LRRC7: variants seen among roughly 807,000 people sequenced by gnomAD.
LRRC7 encodes the protein leucine rich repeat containing 7.
In LRRC7, 23 loss-of-function variants were observed where a neutral mutation model predicts 175.7. The ratio of observed to expected loss-of-function variants is 0.13; its 90% CI spans 0.09 to 0.19. The LOEUF (loss-of-function observed/expected upper bound fraction) is 0.19, where lower values mean the gene tolerates loss of function less well. LRRC7 is among the 10% of genes least tolerant of loss of function. The probability of loss-of-function intolerance (pLI) is 1.00; values close to 1 mark genes in which losing one functional copy is unlikely to be tolerated. For missense variants in LRRC7, 1,354 were observed against 1,904.7 expected (o/e 0.71, Z 5.38); for synonymous variants, 685 against 680.9 (o/e 1.01, Z -0.09).
At chr1:69,862,984 G>A (rs1438476636) in intron 7 of LRRC7, among the ~76,000 whole-genome samples, 1 of 152,086 alleles carries the variant, frequency 6.6e-6, no homozygotes, top group Non-Finnish European at 1.5e-5. Context: ...GTGCCTTAAA[G>A]TCAAGAGTTT....
intron 3 of LRRC7, among the ~76,000 whole-genome samples, chr1:69,770,532 T>C (rs1672119621): frequency 6.6e-6 from 1 of 152,210 alleles, no homozygotes; most frequent in Admixed American, 6.5e-5. Context: ...TTTTTCCTCC[T>C]ACTTAAAAAG....
At chr1:69,814,050 T>A (rs1471104452) in intron 4 of LRRC7, among the ~76,000 whole-genome samples, 1 of 152,096 alleles carries the variant, frequency 6.6e-6, no homozygotes, top group Non-Finnish European at 1.5e-5. Flanking sequence ...CATACGAATT[T>A]CTTTATAAAT....
At chr1:69,791,446 AC>A (rs1172270306) in intron 3 of LRRC7, among the ~76,000 whole-genome samples, 3 of 152,122 alleles carry the variant, frequency 2.0e-5, no homozygotes, top group Non-Finnish European at 4.4e-5. Flanking sequence ...CCCACCTAAT[AC>A]TTTGGACTGA....
chr1:69,664,016 C>T lies in LRRC7; in HGVS notation c.3-14365C>T, dbSNP rs537226895. Among the ~76,000 whole-genome samples the T allele has an allele frequency of 3.9e-5, 6 of 152,232 alleles. No individual in the cohort carries two copies. In the South Asian group the frequency reaches 8.3e-4, roughly 21 times the overall value. The stretch of plus-strand genomic sequence containing the variant: ...AATTACAGGCGTGAGCCACCGCGCC[C>T]GGCCTCGTTTTAATTTTTATAAGTG... On this transcript the variant is annotated intron_variant, in intron 1 of 26. Transcript: ENST00000651989.
At chr1:69,580,514 T>C (rs983834491) in intron 1 of LRRC7, among the ~76,000 whole-genome samples, 1 of 152,130 alleles carries the variant, frequency 6.6e-6, no homozygotes, top group Admixed American at 6.6e-5. Flanking sequence ...CTTGCACAAC[T>C]CAGGAATAGC....
intron 3 of LRRC7, among the ~76,000 whole-genome samples, chr1:69,778,756 A>T (rs1316827517): frequency 1.3e-5 from 2 of 152,124 alleles, no homozygotes; most frequent in African/African-American, 2.4e-5. Context: ...GAAAATCTCC[A>T]GTTATACCAT....
chr1:69,973,064 A>G lies in LRRC7; in HGVS notation c.712-7315A>G, dbSNP rs925040305. Among the ~76,000 whole-genome samples the G allele has an allele frequency of 4.0e-4, 58 of 146,518 alleles. 1 individual carries two copies. Among genetic ancestry groups the G allele is most frequent in the African/African-American group, 1.4e-3 (55 of 40,374 alleles). ...TAGTATATATAATACTATATATATA[A>G]AGTACCATATATATATATATAAAAA... On this transcript the variant is annotated intron_variant, in intron 8 of 26. Coordinates refer to ENST00000651989, the MANE Select transcript of LRRC7 (RefSeq NM_001370785.2).
rs1400989885 is a variant in LRRC7, at chr1:70,039,166, C to G, written c.3342C>G (p.Tyr1114Ter). 1 of 1,614,118 alleles carries G rather than the reference C, an allele frequency of 6.2e-7. No homozygotes were observed. Among genetic ancestry groups the G allele is most frequent in the Non-Finnish European group, 8.5e-7 (1 of 1,180,008 alleles). Residue 1114 changes from tyrosine to a stop codon, truncating the protein, a stop_gained, in exon 21 of 27, where the codon TAC (tyrosine) becomes TAG (stop). Coordinates refer to ENST00000651989, the MANE Select transcript of LRRC7 (RefSeq NM_001370785.2). LOFTEE classifies it high-confidence loss of function. ...IAKDLISPRA[Y>*]RGYPPMEQMF... is the part of the protein sequence containing the mutation. ...AGGATTTGATTAGTCCTAGAGCTTA[C>G]AGAGGATACCCACCGATGGAGCAAA...
chr1:69,937,298 G>T (rs534591971), intron 8 of LRRC7, among the ~76,000 whole-genome samples: 41 of 148,396 alleles, frequency 2.8e-4, no homozygotes, highest in Admixed American at 6.0e-4. Flanking sequence ...TTTACCATTA[G>T]CTTTGTATAG....
At position 70,038,783 on chromosome 1, in the gene LRRC7, A is replaced by G; in HGVS notation, c.2959A>G (p.Ser987Gly). ...GTCTAATAAATTCAAAAAGTCACAG[A>G]GTATCGATGAGATTGACATTGGTAC... ...IKSNKFKKSQ[S>G]IDEIDIGTYK... is the part of the protein sequence containing the mutation. Residue 987 changes from serine (S) to glycine (G), a missense_variant, in exon 21 of 27, where the codon AGT becomes GGT. By Grantham distance (56) the Ser-to-Gly change is moderately conservative. This residue lies in a region of LRRC7 where 1,032 missense variants were observed against 1,227.2 expected (regional missense o/e 0.84). Coordinates refer to ENST00000651989, the MANE Select transcript of LRRC7 (RefSeq NM_001370785.2). 1 of 1,614,030 alleles carries G rather than the reference A, an allele frequency of 6.2e-7. No homozygotes were observed. The highest frequency in any genetic ancestry group is 8.5e-7 in the Non-Finnish European group (1 of 1,179,990).
At chr1:69,679,140 T>A (rs1476004751) in intron 2 of LRRC7, among the ~76,000 whole-genome samples, 1 of 152,096 alleles carries the variant, frequency 6.6e-6, no homozygotes, top group Non-Finnish European at 1.5e-5. Context: ...TTGGAGACTC[T>A]TGACATAATA....
chr1:69,763,590 G>T (rs1671276764), intron 3 of LRRC7, among the ~76,000 whole-genome samples: 1 of 151,988 alleles, frequency 6.6e-6, no homozygotes, highest in African/African-American at 2.4e-5. Flanking sequence ...AGTACAAGGG[G>T]AAGGGGTGGA....
intron 7 of LRRC7, among the ~76,000 whole-genome samples, chr1:69,915,194 C>T (rs531209218): frequency 1.6e-4 from 24 of 152,186 alleles, no homozygotes; most frequent in Middle Eastern, 3.4e-3. Flanking sequence ...GAATGTGACA[C>T]TAAGCCAAAG....
At chr1:69,580,290 C>T (rs543600670) in intron 1 of LRRC7, among the ~76,000 whole-genome samples, 7 of 151,708 alleles carry the variant, frequency 4.6e-5, no homozygotes, top group South Asian at 2.1e-4. Flanking sequence ...TAATTTGGAT[C>T]GTAATATTAA....
chr1:70,068,373 C>G (rs1456097396), intron 23 of LRRC7, among the ~76,000 whole-genome samples: 1 of 152,126 alleles, frequency 6.6e-6, no homozygotes, highest in Admixed American at 6.6e-5. Context: ...GATTTTTCTT[C>G]TGTAGCCCAT....
At chr1:69,944,116 G>A (rs1253649353) in intron 8 of LRRC7, among the ~76,000 whole-genome samples, 1 of 151,770 alleles carries the variant, frequency 6.6e-6, no homozygotes, top group Non-Finnish European at 1.5e-5. Context: ...TTTGCCCATT[G>A]AACTGCAACT....
chr1:69,706,302 T>C (rs1057019096), intron 2 of LRRC7, among the ~76,000 whole-genome samples: 2 of 152,174 alleles, frequency 1.3e-5, no homozygotes, highest in Non-Finnish European at 2.9e-5. Flanking sequence ...CACCTGTGCA[T>C]GGATAAGAGG....
In LRRC7 at chr1:70,043,973, A is replaced by G. The variant is rs575749460; in HGVS notation, c.3989A>G (p.Asn1330Ser). Residue 1330 changes from asparagine to serine, a missense_variant, in exon 22 of 27, where the codon AAT becomes AGT. Transcript: ENST00000651989. ...RLDRNAAYKHNTVNLGMLPYG... is the reference protein window; with the variant it reads ...RLDRNAAYKHSTVNLGMLPYG... ...ACTCAGAATGCTGCTTACAAACACA[A>G]TACAGTTAACCTTGGCATGCTGCCC... is the stretch of plus-strand genomic sequence containing the variant. 2.5e-6 allele frequency: 4 copies of G among 1,612,614 alleles called. No homozygotes were observed. Among genetic ancestry groups the G allele is most frequent in the African/African-American group, 1.3e-5 (1 of 75,032 alleles).
chr1:69,632,246 T>C (rs1360313144), intron 1 of LRRC7, among the ~76,000 whole-genome samples: 1 of 152,138 alleles, frequency 6.6e-6, no homozygotes, highest in East Asian at 1.9e-4. Context: ...CATTATATTG[T>C]ACTTCCCCAG....
Sources: allele counts gnomAD v4.1 joint callset (sites outside exome capture counted in the v4.1 genomes callset), GRCh38; gene constraint gnomAD v4.1.1; regional missense constraint gnomAD v4.1.1; transcripts MANE v1.5; gene names NCBI Gene and HGNC (gene_info 2026-07-23, HGNC 2026-07-21).